The following OASL variants were observed in gnomAD, a reference collection of about 807,000 sequenced individuals.
OASL encodes 2'-5'-oligoadenylate synthase-like protein.
In OASL, 28 loss-of-function variants were observed where a neutral mutation model predicts 35.3. The observed-to-expected ratio is 0.79, with a 90% CI of 0.59 to 1.09. The LOEUF is 1.09. OASL is among the 50% of genes least tolerant of loss of function. The pLI is 0.00. For synonymous variants in OASL, 252 were observed against 254.6 expected (o/e 0.99, Z 0.10); for missense variants, 620 against 635.2 (o/e 0.98, Z 0.26).
chr12:121,028,437 T>C (rs1430526000), intron 3 of OASL, among the ~76,000 whole-genome samples: 1 of 152,188 alleles, frequency 6.6e-6, no homozygotes, highest in Non-Finnish European at 1.5e-5. Flanking sequence ...CTAGTTCTTT[T>C]GTTCAGTGGT....
chr12:121,036,082 C>G (rs1312741238), intron 1 of OASL, among the ~76,000 whole-genome samples: 1 of 152,086 alleles, frequency 6.6e-6, no homozygotes, highest in Non-Finnish European at 1.5e-5. Context: ...AGGCTGGTCT[C>G]GAATTCCTGG....
intron 5 of OASL, 136 bp downstream of exon 5, chr12:121,023,854 G>A: frequency 1.0e-6 from 1 of 991,234 alleles, no homozygotes; most frequent in East Asian, 2.5e-5. Context: ...GGAGCCCATG[G>A]GTGGTGCAGC....
chr12:121,023,844 G>A lies in OASL; in HGVS notation c.1047+146C>T, dbSNP rs1869358923. On this transcript the variant is annotated intron_variant, in intron 5 of 5. Coordinates refer to ENST00000257570, the Ensembl canonical transcript of OASL. Reference sequence around the variant, plus strand: ...AGCCAAAGAATTTGTCCAAGTTCACGGAGCCCATGGGTGGTGCAGCTGGCC... The same window carrying A: ...AGCCAAAGAATTTGTCCAAGTTCACAGAGCCCATGGGTGGTGCAGCTGGCC... The A allele has an allele frequency of 3.3e-5, 28 of 852,766 alleles. No homozygotes were observed. The South Asian group carries it at 3.6e-4, about 11-fold the overall frequency. 52.8% of individuals were successfully genotyped at this position (852,766 alleles called of 1,614,324 possible).
chr12:121,032,197 A>AAT (rs55816712), intron 2 of OASL, among the ~76,000 whole-genome samples: 26,906 of 151,136 alleles, frequency 0.18, 2,476 homozygotes, highest in African/African-American at 0.19. Flanking sequence ...CGTCTCAAAA[A>AAT]ATATATATAT....
exon 2 of OASL, chr12:121,033,673 C>G: frequency 6.2e-7 from 1 of 1,614,184 alleles, no homozygotes; most frequent in Non-Finnish European, 8.5e-7. Flanking sequence ...GCTGTGGAAA[C>G]AGCTCAGAAA....
chr12:121,022,150 G>A (rs1340827537), intron 5 of OASL, among the ~76,000 whole-genome samples: 2 of 140,616 alleles, frequency 1.4e-5, no homozygotes, highest in Non-Finnish European at 3.0e-5. Context: ...GCAGTGGCAC[G>A]ATCTTGGCTC....
intron 4 of OASL, among the ~76,000 whole-genome samples, chr12:121,025,759 T>TAAA (rs11408808): frequency 1.0e-4 from 14 of 139,332 alleles, no homozygotes; most frequent in Admixed American, 1.4e-4. Flanking sequence ...AAGACTCCAT[T>TAAA]AAAAAAAAAA....
downstream of OASL, among the ~76,000 whole-genome samples, chr12:121,017,949 G>T (rs1239351663): frequency 6.6e-6 from 1 of 152,198 alleles, no homozygotes; most frequent in Non-Finnish European, 1.5e-5. Context: ...AGCTTATTGT[G>T]GAGACACCCA....
exon 5 of OASL, chr12:121,024,074 G>T: frequency 6.2e-7 from 1 of 1,614,146 alleles, no homozygotes; most frequent in Non-Finnish European, 8.5e-7. Context: ...TCTGAGCAAC[G>T]ATGTCCCATC....
intron 1 of OASL, among the ~76,000 whole-genome samples, 192 bp downstream of exon 1, chr12:121,038,582 T>C (rs1870046295): frequency 6.6e-6 from 1 of 152,210 alleles, no homozygotes; most frequent in Admixed American, 6.5e-5. Context: ...AAATGTGAGC[T>C]ATTATTACTA....
chr12:121,037,168 C>A (rs79378370), intron 1 of OASL, among the ~76,000 whole-genome samples: 3,962 of 152,162 alleles, frequency 0.026, 79 homozygotes, highest in African/African-American at 0.049. Flanking sequence ...AGTCAGGGGT[C>A]CTAATTCTAG....
At chr12:121,035,204 G>C (rs1869904462) in intron 1 of OASL, among the ~76,000 whole-genome samples, 1 of 152,034 alleles carries the variant, frequency 6.6e-6, no homozygotes, top group Non-Finnish European at 1.5e-5. Flanking sequence ...GCACCCATAA[G>C]AGCCCTGTAT....
At chr12:121,033,652 G>A (rs1473876962) in exon 2 of OASL, 1 of 1,614,152 alleles carries the variant, frequency 6.2e-7, no homozygotes, top group East Asian at 2.2e-5. Context: ...ATGCTTGGCT[G>A]CCTCCTGGAA....
chr12:121,030,931 G>A (rs1397179121), intron 3 of OASL, among the ~76,000 whole-genome samples: 4 of 151,726 alleles, frequency 2.6e-5, no homozygotes, highest in South Asian at 2.1e-4. Context: ...AGACCACTTC[G>A]AAACCAGGCT....
intron 3 of OASL, 48 bp from the exon 4 acceptor site, chr12:121,027,865 G>A (rs958564098): frequency 6.5e-7 from 1 of 1,527,842 alleles, no homozygotes; most frequent in Non-Finnish European, 9.0e-7. Context: ...CTAAGATTCT[G>A]TGTAAGGATG....
intron 2 of OASL, among the ~76,000 whole-genome samples, 163 bp downstream of exon 2, chr12:121,033,298 T>A (rs1397603694): frequency 6.6e-6 from 1 of 152,022 alleles, no homozygotes; most frequent in East Asian, 1.9e-4. Context: ...ATAGCCAGAG[T>A]TGAGTTAATC....
chr12:121,030,880 A>G (rs7952854), intron 3 of OASL, among the ~76,000 whole-genome samples: 3,587 of 152,228 alleles, frequency 0.024, 153 homozygotes, highest in African/African-American at 0.083. Context: ...TCGTGCCTGT[A>G]ATCCCAGCAC....
At chr12:121,025,724 T>C (rs1310457555) in intron 4 of OASL, among the ~76,000 whole-genome samples, 1 of 149,938 alleles carries the variant, frequency 6.7e-6, no homozygotes, top group African/African-American at 2.5e-5. Context: ...ATCGTGCCAC[T>C]GAACTCCAGC....
At position 121,038,917 on chromosome 12, in the gene OASL, C is replaced by T. The variant is rs775423659; in HGVS notation, c.55G>A (p.Val19Met). The T allele has an allele frequency of 1.7e-5, 27 of 1,614,098 alleles. No homozygotes were observed. The highest frequency in any genetic ancestry group is 1.0e-4 in the Admixed American group (6 of 60,008). The change falls in exon 1 of 6, where the codon GTG (valine) becomes ATG (methionine). Residue 19 changes from valine (V) to methionine (M), a missense_variant. Coordinates refer to ENST00000257570, the Ensembl canonical transcript of OASL. ...CGGTGGGGCTGCAGCCACTGAGCCACGAAGGAGTCCAGCCTGGAGGCTGGT... is the reference window on the plus strand; with the variant it reads ...CGGTGGGGCTGCAGCCACTGAGCCATGAAGGAGTCCAGCCTGGAGGCTGGT...
Sources: gnomAD v4.1 joint callset for allele counts (sites outside exome capture counted in the v4.1 genomes callset) on GRCh38, gnomAD v4.1.1 for gene constraint, MANE v1.5 for transcripts, NCBI Gene and HGNC (gene_info 2026-07-23, HGNC 2026-07-21) for gene names.